The following PPARGC1A variants were observed in gnomAD, a reference collection of about 807,000 sequenced individuals.
PPARGC1A encodes the protein peroxisome proliferator-activated receptor gamma coactivator 1-alpha.
PPARGC1A carries 25 observed loss-of-function variants against 88.7 expected under a neutral mutation model. The observed-to-expected ratio is 0.28, with a 90% confidence interval of 0.21 to 0.39. The LOEUF (loss-of-function observed/expected upper bound fraction) is 0.39. Among genes scored for constraint, PPARGC1A ranks in the 10% least tolerant of loss-of-function variants. The pLI is 1.00. For synonymous variants in PPARGC1A, 363 were observed against 355.6 expected, an observed-to-expected ratio of 1.02 and a Z score of -0.24; for missense variants, 880 against 968.7, an observed-to-expected ratio of 0.91 and a Z score of 1.22.
the PPARGC1A span, among the ~76,000 whole-genome samples, chr4:24,433,801 C>A: frequency 6.6e-6 from 1 of 152,076 alleles, no homozygotes; most frequent in African/African-American, 2.4e-5. Flanking sequence ...TGTTCTGTTC[C>A]CTGGACAGCC....
At chr4:24,397,576 T>C in the PPARGC1A span, among the ~76,000 whole-genome samples, 2 of 152,216 alleles carry the variant, frequency 1.3e-5, no homozygotes, top group Non-Finnish European at 2.9e-5. Flanking sequence ...AGACATACTT[T>C]CTTCTCCCTC....
At chr4:23,827,376 A>T (rs960341013) in intron 5 of PPARGC1A, among the ~76,000 whole-genome samples, 1 of 152,152 alleles carries the variant, frequency 6.6e-6, no homozygotes, top group African/African-American at 2.4e-5. Context: ...TTCAAAGCAG[A>T]AATCACTGGC....
the PPARGC1A span, among the ~76,000 whole-genome samples, chr4:24,409,826 C>T: frequency 6.6e-6 from 1 of 152,098 alleles, no homozygotes; most frequent in Non-Finnish European, 1.5e-5. Context: ...ATTGTTAATC[C>T]AGAGAGTATA....
the PPARGC1A span, among the ~76,000 whole-genome samples, chr4:24,435,789 A>G: frequency 6.6e-6 from 1 of 152,246 alleles, no homozygotes; most frequent in East Asian, 1.9e-4. Context: ...TTCAAGGAAG[A>G]CAAATCACTT....
the PPARGC1A span, among the ~76,000 whole-genome samples, chr4:24,021,031 C>T: frequency 6.7e-4 from 102 of 152,310 alleles, 1 homozygote; most frequent in Middle Eastern, 3.4e-3. Context: ...TTCTTGGCAA[C>T]GACCTGTGTA....
At chr4:24,177,488 G>A in the PPARGC1A span, among the ~76,000 whole-genome samples, 2 of 151,734 alleles carry the variant, frequency 1.3e-5, no homozygotes, top group Non-Finnish European at 1.5e-5. Context: ...AAGGGGGAGG[G>A]ATAGCATTAG....
rs1204470577 is a variant in PPARGC1A at position 23,792,728 on chromosome 4, CT to C, written c.*3093del. The C allele has an allele frequency of 2.6e-5, 4 of 152,488 alleles. No individual in the cohort carries two copies. Among genetic ancestry groups the C allele is most frequent in the Non-Finnish European group, 4.4e-5 (3 of 68,016 alleles). 9.4% of individuals were successfully genotyped at this position (152,488 alleles called of 1,614,324 possible). On this transcript the variant is annotated 3_prime_UTR_variant, in exon 13 of 13. Transcript: ENST00000264867. Reference sequence around the variant, plus strand: ...CTTCTAAAAATCCTACAGATCTATGCTGAAATTTGCCTCCAGTGATGATGGG... The same window carrying C: ...CTTCTAAAAATCCTACAGATCTATGCGAAATTTGCCTCCAGTGATGATGGG...
At chr4:24,358,450 C>G in the PPARGC1A span, among the ~76,000 whole-genome samples, 3 of 152,180 alleles carry the variant, frequency 2.0e-5, no homozygotes, top group African/African-American at 4.8e-5. Context: ...TGGCCCCAGC[C>G]CATGCTCCTA....
At chr4:24,426,371 A>C in the PPARGC1A span, among the ~76,000 whole-genome samples, 1 of 152,190 alleles carries the variant, frequency 6.6e-6, no homozygotes, top group South Asian at 2.1e-4. Context: ...AAATAAAAGG[A>C]ACATTTCAAA....
chr4:24,026,664 GAC>G, the PPARGC1A span, among the ~76,000 whole-genome samples: 1 of 152,088 alleles, frequency 6.6e-6, no homozygotes, highest in Non-Finnish European at 1.5e-5. Context: ...CAAGTTTTTA[GAC>G]ACACGCCTCC....
chr4:24,468,518 A>G, the PPARGC1A span, among the ~76,000 whole-genome samples: 2 of 152,168 alleles, frequency 1.3e-5, no homozygotes, highest in African/African-American at 4.8e-5. Context: ...CAGATATAGG[A>G]CGAAATTTCC....
chr4:24,158,765 G>C, the PPARGC1A span, among the ~76,000 whole-genome samples: 4 of 152,138 alleles, frequency 2.6e-5, no homozygotes, highest in African/African-American at 9.7e-5. Context: ...TATAAAGAAA[G>C]GTGTCAGTAC....
the PPARGC1A span, among the ~76,000 whole-genome samples, chr4:24,062,912 G>T: frequency 6.6e-6 from 1 of 152,282 alleles, no homozygotes; most frequent in East Asian, 1.9e-4. Context: ...GGAAAATGTA[G>T]AACTATGCTT....
At chr4:24,444,650 A>G in the PPARGC1A span, among the ~76,000 whole-genome samples, 16 of 152,206 alleles carry the variant, frequency 1.1e-4, no homozygotes, top group Non-Finnish European at 2.1e-4. Flanking sequence ...TGTAACTTAG[A>G]AAGTCAGGAT....
chr4:23,988,839 A>G, the PPARGC1A span, among the ~76,000 whole-genome samples: 1 of 148,114 alleles, frequency 6.8e-6, no homozygotes, highest in Non-Finnish European at 1.5e-5. Flanking sequence ...ATAGCATTAT[A>G]TATTACTATG....
chr4:24,036,368 A>T, the PPARGC1A span, among the ~76,000 whole-genome samples: 4 of 152,148 alleles, frequency 2.6e-5, no homozygotes, highest in African/African-American at 9.7e-5. Context: ...CCTACCCTAT[A>T]ATCCTGAAAT....
chr4:24,200,830 G>A, the PPARGC1A span, among the ~76,000 whole-genome samples: 1 of 152,072 alleles, frequency 6.6e-6, no homozygotes, highest in Non-Finnish European at 1.5e-5. Flanking sequence ...TCCCTGGAAA[G>A]ACAGATATAT....
the PPARGC1A span, among the ~76,000 whole-genome samples, chr4:24,205,968 T>G: frequency 6.6e-6 from 1 of 152,206 alleles, no homozygotes; most frequent in African/African-American, 2.4e-5. Flanking sequence ...AACTCAGCTC[T>G]AAAAGGCAAG....
the PPARGC1A span, among the ~76,000 whole-genome samples, chr4:24,436,161 C>T: frequency 1.4e-4 from 22 of 152,084 alleles, no homozygotes; most frequent in East Asian, 9.6e-4. Flanking sequence ...AAAGTGAAGC[C>T]GGTGAGATAC....
Sources: gnomAD v4.1 joint callset for allele counts (sites outside exome capture counted in the v4.1 genomes callset) on GRCh38, gnomAD v4.1.1 for gene constraint, MANE v1.5 for transcripts, NCBI Gene and HGNC (gene_info 2026-07-23, HGNC 2026-07-21) for gene names.